Variants in SPAG9 observed in about 807,000 individuals in gnomAD.
The protein encoded by SPAG9 is sperm associated antigen 9, also known as C-Jun-amino-terminal kinase-interacting protein 4.
In SPAG9, 35 loss-of-function variants were observed where a neutral mutation model predicts 166.5. The ratio of observed to expected loss-of-function variants is 0.21; its 90% CI spans 0.16 to 0.28. The LOEUF is 0.28. Among genes scored for constraint, SPAG9 ranks in the 10% least tolerant of loss-of-function variants. The pLI, the probability that SPAG9 is intolerant of heterozygous loss-of-function variation, is 1.00. For synonymous variants in SPAG9, 534 were observed against 565.5 expected, an observed-to-expected ratio of 0.94 and a Z score of 0.79; for missense variants, 1,235 against 1,603.3, an observed-to-expected ratio of 0.77 and a Z score of 3.92.
At chr17:51,051,033 TA>T (rs566199371) in intron 3 of SPAG9, among the ~76,000 whole-genome samples, 59 of 110,306 alleles carry the variant, frequency 5.3e-4, no homozygotes, top group Non-Finnish European at 7.1e-4. Context: ...AATTTAAAAA[TA>T]AAAAAAAAAC....
intron 1 of SPAG9, among the ~76,000 whole-genome samples, chr17:51,118,386 G>C (rs971346546): frequency 6.6e-6 from 1 of 152,128 alleles, no homozygotes; most frequent in Non-Finnish European, 1.5e-5. Context: ...TCTAGCAGTC[G>C]GGCAATTTTG....
intron 2 of SPAG9, among the ~76,000 whole-genome samples, chr17:51,078,903 T>C (rs538419471): frequency 1.3e-5 from 2 of 152,274 alleles, no homozygotes; most frequent in African/African-American, 2.4e-5. Flanking sequence ...CTTACATTTT[T>C]ACATTTCAAA....
intron 20 of SPAG9, 69 bp from the exon 21 acceptor site, chr17:50,989,941 C>G (rs528557301): frequency 8.3e-6 from 11 of 1,320,262 alleles, no homozygotes; most frequent in African/African-American, 1.4e-5. Flanking sequence ...CACACAAACC[C>G]CTGTTATAGA....
intron 26 of SPAG9, among the ~76,000 whole-genome samples, chr17:50,978,084 G>A (rs1974322880): frequency 6.6e-6 from 1 of 152,158 alleles, no homozygotes; most frequent in African/African-American, 2.4e-5. Context: ...GAGAACAAAC[G>A]CATTTTTGTA....
At position 50,998,593 on chromosome 17, in the gene SPAG9, T is replaced by C. The variant is rs774023333; in HGVS notation, c.1689A>G (p.Ser563=). 1 of 1,614,096 alleles carries C rather than the reference T, an allele frequency of 6.2e-7. No individual in the cohort carries two copies. The highest frequency in any genetic ancestry group is 1.1e-5 in the South Asian group (1 of 91,084). ...WQFFSRLFSS[S]SNTTKKPEPP... is the part of the protein sequence containing the mutation. ...GTTCAGGCTTCTTAGTCGTGTTACT[T>C]GAGGAGCTGAAAAGTCGGCTGAAAC... Residue 563 remains serine (S), a synonymous_variant, in exon 15 of 30, where the codon TCA becomes TCG. Transcript: ENST00000262013.
At chr17:50,990,889 A>C in intron 19 of SPAG9, 1 of 506,372 alleles carries the variant, frequency 2.0e-6, no homozygotes. Context: ...AATAAACATA[A>C]AAATGTCAGA....
chr17:51,051,083 A>G (rs773537696), intron 3 of SPAG9, among the ~76,000 whole-genome samples: 22 of 151,756 alleles, frequency 1.4e-4, no homozygotes, highest in Non-Finnish European at 2.6e-4. Flanking sequence ...GAGGGAAAAG[A>G]AAAATGTCTA....
chr17:51,071,518 TA>T (rs556362342), intron 2 of SPAG9, among the ~76,000 whole-genome samples: 4 of 152,018 alleles, frequency 2.6e-5, no homozygotes. Flanking sequence ...TTGGAAAAAG[TA>T]AAAAAAATTT....
chr17:50,987,966 A>G (rs983787283), intron 21 of SPAG9, among the ~76,000 whole-genome samples: 1 of 152,258 alleles, frequency 6.6e-6, no homozygotes, highest in Non-Finnish European at 1.5e-5. Flanking sequence ...CTATAATCCC[A>G]GCACTTTGGG....
At chr17:51,075,195 CAAAAAAAAA>C (rs57533555) in intron 2 of SPAG9, among the ~76,000 whole-genome samples, 28 of 28,966 alleles carry the variant, frequency 9.7e-4, no homozygotes, top group East Asian at 5.7e-3. Context: ...GACTCCATCT[CAAAAAAAAA>C]AAAAAAAAAA....
chr17:51,001,583 TTTAAAAAGTCTC>T, intron 13 of SPAG9, 120 bp downstream of exon 13: 1 of 828,360 alleles, frequency 1.2e-6, no homozygotes, highest in Non-Finnish European at 1.8e-6. Flanking sequence ...TGAGTGTTAC[TTTAAAAAGTCTC>T]TCCTAGTAAA....
intron 1 of SPAG9, among the ~76,000 whole-genome samples, chr17:51,117,101 C>T (rs1298177700): frequency 6.6e-6 from 1 of 152,070 alleles, no homozygotes; most frequent in Non-Finnish European, 1.5e-5. Flanking sequence ...TAAAGAATCC[C>T]TAAAACAGCA....
chr17:51,034,978 G>A (rs1404756211), intron 5 of SPAG9, among the ~76,000 whole-genome samples: 1 of 152,200 alleles, frequency 6.6e-6, no homozygotes, highest in East Asian at 1.9e-4. Flanking sequence ...CTGAGGAACT[G>A]TTACACACTG....
intron 8 of SPAG9, among the ~76,000 whole-genome samples, chr17:51,015,587 A>G (rs1352714633): frequency 6.6e-6 from 1 of 152,194 alleles, no homozygotes; most frequent in African/African-American, 2.4e-5. Flanking sequence ...ACTAAGAGCA[A>G]AAAAAGACAA....
chr17:51,041,375 C>A, intron 5 of SPAG9, 126 bp downstream of exon 5: 6 of 841,524 alleles, frequency 7.1e-6, no homozygotes, highest in East Asian at 2.9e-5. Flanking sequence ...TTTAAAAAAC[C>A]AATTTTACAA....
At chr17:51,058,602 A>C (rs945575989) in intron 2 of SPAG9, among the ~76,000 whole-genome samples, 9 of 152,238 alleles carry the variant, frequency 5.9e-5, no homozygotes, top group African/African-American at 1.9e-4. Context: ...AGTATGCTTC[A>C]AACAAAAAAC....
At chr17:51,106,514 C>G (rs767542633) in intron 1 of SPAG9, among the ~76,000 whole-genome samples, 3 of 151,776 alleles carry the variant, frequency 2.0e-5, no homozygotes, top group Non-Finnish European at 4.4e-5. Flanking sequence ...GTGCCTTGTT[C>G]TGCCAGGCGC....
chr17:51,057,422 C>T (rs986459362), intron 2 of SPAG9, among the ~76,000 whole-genome samples: 1 of 152,066 alleles, frequency 6.6e-6, no homozygotes, highest in African/African-American at 2.4e-5. Context: ...GTCAGCTGGC[C>T]GCAAACAGGC....
At position 51,079,714 on chromosome 17, in the gene SPAG9, A is replaced by G; in HGVS notation, c.304-10T>C. ...CAAATTCAATGAATTTCTAATAAAGAAGAACAATATAAATTTAATCAGAGA... is the reference window on the plus strand; with the variant it reads ...CAAATTCAATGAATTTCTAATAAAGGAGAACAATATAAATTTAATCAGAGA... On this transcript the variant is annotated splice_polypyrimidine_tract_variant and intron_variant, in intron 1 of 29. Coordinates refer to ENST00000262013, the MANE Select transcript of SPAG9 (RefSeq NM_001130528.3). 1 of 1,496,108 alleles carries G rather than the reference A, an allele frequency of 6.7e-7. No homozygotes were observed. The highest frequency in any genetic ancestry group is 1.2e-5 in the South Asian group (1 of 84,246). 92.7% of individuals were successfully genotyped at this position (1,496,108 alleles called of 1,614,324 possible).
Sources: gnomAD v4.1 joint callset for allele counts (sites outside exome capture counted in the v4.1 genomes callset) on GRCh38, gnomAD v4.1.1 for gene constraint, MANE v1.5 for transcripts, NCBI Gene and HGNC (gene_info 2026-07-23, HGNC 2026-07-21) for gene names.